Variants in WDTC1 observed in about 807,000 individuals in gnomAD.
The protein encoded by WDTC1 is WD and tetratricopeptide repeats 1, also known as WD and tetratricopeptide repeats protein 1.
Under a neutral mutation model 76.0 loss-of-function variants are expected in WDTC1, and 12 were observed. That is an observed-to-expected ratio of 0.16 (90% CI 0.10 to 0.26). WDTC1 has a LOEUF of 0.26. Ranked by LOEUF, WDTC1 falls within the 10% of genes least tolerant of loss-of-function variation. WDTC1 has a pLI of 1.00. For synonymous variants in WDTC1, 326 were observed against 350.8 expected (o/e 0.93, Z 0.79); for missense variants, 511 against 908.8 (o/e 0.56, Z 5.63).
Position 27,254,647 on chromosome 1 carries a change from T to G in WDTC1, c.-99-6309T>G, listed in dbSNP as rs183360891. Reference sequence around the variant, plus strand: ...CAGTTGTATTAAATTTTGACTTTTTTTTTGAGACGGAGTTTCGCTCTGTCA... The same window carrying G: ...CAGTTGTATTAAATTTTGACTTTTTGTTTGAGACGGAGTTTCGCTCTGTCA... On this transcript the variant is annotated intron_variant, in intron 1 of 15. Transcript: ENST00000319394. 1.6e-4 allele frequency among the ~76,000 whole-genome samples: 25 copies of G among 152,220 alleles called. No individual in the cohort carries two copies. In the East Asian group the frequency reaches 4.3e-3, roughly 26 times the overall value.
chr1:27,257,962 T>C (rs1425822220), intron 1 of WDTC1, among the ~76,000 whole-genome samples: 1 of 152,080 alleles, frequency 6.6e-6, no homozygotes, highest in Non-Finnish European at 1.5e-5. Flanking sequence ...GGCTAATTTT[T>C]GTATTTTTAG....
intron 6 of WDTC1, among the ~76,000 whole-genome samples, chr1:27,288,807 C>T (rs1464402201): frequency 0.013 from 1,919 of 152,136 alleles, 22 homozygotes; most frequent in East Asian, 0.024. Context: ...ACCTTTCCCC[C>T]CTTTCTATTC....
chr1:27,247,081 G>A (rs1391046990), intron 1 of WDTC1, among the ~76,000 whole-genome samples: 2 of 151,564 alleles, frequency 1.3e-5, no homozygotes, highest in African/African-American at 2.4e-5. Context: ...TTTTGAGACA[G>A]AGTCTCCCTC....
chr1:27,254,241 A>G (rs945277140), intron 1 of WDTC1, among the ~76,000 whole-genome samples: 21 of 152,230 alleles, frequency 1.4e-4, no homozygotes, highest in Non-Finnish European at 2.8e-4. Flanking sequence ...GCATGCTCCA[A>G]GATGAGCTCT....
chr1:27,240,514 C>G (rs2011598416), intron 1 of WDTC1, among the ~76,000 whole-genome samples: 1 of 152,106 alleles, frequency 6.6e-6, no homozygotes, highest in South Asian at 2.1e-4. Flanking sequence ...TGATTGCCCT[C>G]AAGAGCCAGG....
chr1:27,287,491 A>G (rs1467421708), intron 5 of WDTC1, among the ~76,000 whole-genome samples, 183 bp from the exon 6 acceptor site: 1 of 151,764 alleles, frequency 6.6e-6, no homozygotes, highest in Non-Finnish European at 1.5e-5. Flanking sequence ...GGTTCAAGGG[A>G]TTTTCCTGCC....
At chr1:27,266,048 G>A (rs1432845665) in intron 3 of WDTC1, among the ~76,000 whole-genome samples, 4 of 152,038 alleles carry the variant, frequency 2.6e-5, no homozygotes, top group South Asian at 2.1e-4. Flanking sequence ...TTTTAATAGC[G>A]TAAAGGGGTC....
chr1:27,268,370 C>CT (rs982089060), intron 3 of WDTC1, among the ~76,000 whole-genome samples: 22 of 148,410 alleles, frequency 1.5e-4, no homozygotes, highest in African/African-American at 3.2e-4. Flanking sequence ...TTTCAAGATA[C>CT]TTTTTTTTTT....
intron 1 of WDTC1, among the ~76,000 whole-genome samples, chr1:27,239,292 T>C (rs2011562961): frequency 2.1e-5 from 3 of 143,588 alleles, no homozygotes; most frequent in South Asian, 4.8e-4. Flanking sequence ...CCTAGGTGGG[T>C]GGATTGCTTG....
intron 1 of WDTC1, among the ~76,000 whole-genome samples, chr1:27,244,395 A>G (rs1166425822): frequency 6.6e-6 from 1 of 152,106 alleles, no homozygotes; most frequent in Non-Finnish European, 1.5e-5. Context: ...CAGAGGCACA[A>G]TCATAGCTCA....
intron 9 of WDTC1, among the ~76,000 whole-genome samples, chr1:27,294,958 C>G (rs1246881695): frequency 1.3e-5 from 2 of 152,162 alleles, no homozygotes; most frequent in African/African-American, 4.8e-5. Flanking sequence ...TTGAGCAAGT[C>G]TCTTTATTTT....
At chr1:27,285,721 G>A (rs1392709631) in intron 5 of WDTC1, among the ~76,000 whole-genome samples, 1 of 151,168 alleles carries the variant, frequency 6.6e-6, no homozygotes, top group Non-Finnish European at 1.5e-5. Context: ...CGAGTAGCTG[G>A]GACTACAGGC....
rs2013880604 is a variant in WDTC1 at position 27,303,526 on chromosome 1, C to T, written c.1469-95C>T. 6 of 1,450,202 alleles carry T rather than the reference C, an allele frequency of 4.1e-6. No homozygotes were observed. Among genetic ancestry groups the T allele is most frequent in the Non-Finnish European group, 5.5e-6 (6 of 1,095,044 alleles). The allele number at this position is 1,450,202 out of a possible 1,614,324, so 89.8% of individuals were successfully genotyped here. On this transcript the variant is annotated intron_variant, in intron 13 of 15. Transcript: ENST00000319394. The surrounding 1 kb of genome is among the most constrained non-coding windows in gnomAD (Gnocchi z 4.8). ...GTGGAGGCAGGTAGCTCTATGTTGT[C>T]AGACTTTGGACTGAAAACAGAGCCA...
chr1:27,273,206 C>CTTTT (rs57130485), intron 3 of WDTC1, among the ~76,000 whole-genome samples: 51 of 103,658 alleles, frequency 4.9e-4, no homozygotes, highest in Admixed American at 6.6e-4. Context: ...TTTTTCTTTT[C>CTTTT]TTTTTTTTTT....
At chr1:27,268,568 G>C (rs1352626300) in intron 3 of WDTC1, among the ~76,000 whole-genome samples, 1 of 151,450 alleles carries the variant, frequency 6.6e-6, no homozygotes, top group Non-Finnish European at 1.5e-5. Flanking sequence ...ACAGGCGTGT[G>C]CCTCCATGGC....
chr1:27,235,378 T>G (rs538024056), intron 1 of WDTC1, among the ~76,000 whole-genome samples: 1 of 147,418 alleles, frequency 6.8e-6, no homozygotes, highest in East Asian at 2.0e-4. Flanking sequence ...CTCTTTCTGT[T>G]TTTCTCTCTC....
At chr1:27,264,291 AAAG>A (rs1395380466) in intron 3 of WDTC1, among the ~76,000 whole-genome samples, 2 of 152,050 alleles carry the variant, frequency 1.3e-5, no homozygotes, top group Admixed American at 6.6e-5. Flanking sequence ...CTGTCTCAAA[AAAG>A]AAAAAAATAA....
chr1:27,243,256 AAGTGC>A (rs1233807415), intron 1 of WDTC1, among the ~76,000 whole-genome samples: 2 of 142,096 alleles, frequency 1.4e-5, no homozygotes, highest in African/African-American at 5.4e-5. Context: ...ACCCAGGCTG[AAGTGC>A]AGTGGCATGA....
At chr1:27,282,350 G>GC in intron 4 of WDTC1, 65 bp downstream of exon 4, 1 of 1,523,182 alleles carries the variant, frequency 6.6e-7, no homozygotes, top group Non-Finnish European at 9.1e-7. Context: ...GAACAGCAAG[G>GC]CTCCTCCTGA....
Sources: allele counts gnomAD v4.1 joint callset (sites outside exome capture counted in the v4.1 genomes callset), GRCh38; gene constraint gnomAD v4.1.1; non-coding constraint Gnocchi (gnomAD v3.1); transcripts MANE v1.5; gene names NCBI Gene and HGNC (gene_info 2026-07-23, HGNC 2026-07-21).